The following CHD7 variants were observed in gnomAD, a reference collection of about 807,000 sequenced individuals.
CHD7 encodes ATP-dependent chromatin remodeler CHD7.
In CHD7, 24 loss-of-function variants were observed where a neutral mutation model predicts 307.3. That is an observed-to-expected ratio of 0.08 (90% CI 0.06 to 0.11). CHD7 has a LOEUF of 0.11. Ranked by LOEUF, CHD7 falls within the 10% of genes least tolerant of loss-of-function variation. The pLI is 1.00. For synonymous variants in CHD7, 1,363 were observed against 1,349.9 expected, an observed-to-expected ratio of 1.01 and a Z score of -0.21; for missense variants, 3,106 against 3,727.1, an observed-to-expected ratio of 0.83 and a Z score of 4.34.
At chr8:60,787,246 G>A (rs1811532789) in intron 3 of CHD7, among the ~76,000 whole-genome samples, 1 of 152,174 alleles carries the variant, frequency 6.6e-6, no homozygotes, top group Admixed American at 6.5e-5. Flanking sequence ...TGATTGAAAT[G>A]TGGGTGGGCA....
chr8:60,718,596 A>G (rs986391150), intron 1 of CHD7, among the ~76,000 whole-genome samples: 14 of 152,356 alleles, frequency 9.2e-5, no homozygotes, highest in African/African-American at 3.4e-4. Context: ...ATGGCTGTAC[A>G]ATGTGTTCGT....
chr8:60,817,853 C>T (rs966967298), intron 8 of CHD7, among the ~76,000 whole-genome samples: 1 of 152,140 alleles, frequency 6.6e-6, no homozygotes, highest in Non-Finnish European at 1.5e-5. Context: ...GTTCTGCTGA[C>T]CTTTTCTGTG....
At chr8:60,857,154 A>G (rs1287684744) in intron 34 of CHD7, among the ~76,000 whole-genome samples, 2 of 152,218 alleles carry the variant, frequency 1.3e-5, no homozygotes, top group South Asian at 2.1e-4. Context: ...ACCTAGAAAC[A>G]TGTTCTTCTG....
In CHD7 at chr8:60,824,277, T is replaced by G. The variant is rs1262415831; in HGVS notation, c.3378+261T>G. ...CTAAAGTGAGTTTCAAGTATTTGTTTTACCCTTTGTTCATAAATACAGGTT... is the reference window on the plus strand; with the variant it reads ...CTAAAGTGAGTTTCAAGTATTTGTTGTACCCTTTGTTCATAAATACAGGTT... On this transcript the variant is annotated intron_variant, in intron 13 of 37. Coordinates refer to ENST00000423902, the MANE Select transcript of CHD7 (RefSeq NM_017780.4). 4 of 434,830 alleles carry G rather than the reference T, an allele frequency of 9.2e-6. No individual in the cohort carries two copies. The East Asian group carries it at 1.3e-4, about 14-fold the overall frequency. 26.9% of individuals were successfully genotyped at this position (434,830 alleles called of 1,614,324 possible).
At chr8:60,850,963 CTACCCA>C in intron 26 of CHD7, 63 bp from the exon 27 acceptor site, 1 of 1,118,900 alleles carries the variant, frequency 8.9e-7, no homozygotes, top group African/African-American at 1.6e-5. Flanking sequence ...TTACTCTTTC[CTACCCA>C]CCCCCCTTCC....
chr8:60,800,358 C>G (rs1258338618), intron 4 of CHD7, 30 bp from the exon 5 acceptor site: 20 of 1,605,748 alleles, frequency 1.2e-5, no homozygotes, highest in Non-Finnish European at 1.7e-5. Context: ...TCATTAATTT[C>G]AAGGCCACTG....
Position 60,830,484 on chromosome 8 carries a change from C to A in CHD7, c.3685C>A (p.Leu1229Ile). 6.2e-7 allele frequency: 1 copy of A among 1,614,020 alleles called. No homozygotes were observed. Among genetic ancestry groups the A allele is most frequent in the Non-Finnish European group, 8.5e-7 (1 of 1,179,882 alleles). Reference sequence around the variant, plus strand: ...CATCCTTGAGAAGAATTTCACATTTCTTTCCAAAGGCGGTGGTCAAGCTAA... The same window carrying A: ...CATCCTTGAGAAGAATTTCACATTTATTTCCAAAGGCGGTGGTCAAGCTAA... Reference protein sequence around the residue: ...RAILEKNFTFLSKGGGQANVP... With the variant: ...RAILEKNFTFISKGGGQANVP... The change falls in exon 15 of 38, where the codon CTT becomes ATT. Residue 1229 changes from leucine (L) to isoleucine (I), a missense_variant. Physicochemically the swap from Leu to Ile is conservative, Grantham distance 5. Transcript: ENST00000423902.
rs1057131244 is a variant in CHD7 at position 60,837,067 on chromosome 8, A to G, written c.4185+55A>G. The G allele has an allele frequency of 2.0e-5, 28 of 1,400,216 alleles. No homozygotes were observed. In the African/African-American group the frequency reaches 3.0e-4, roughly 15 times the overall value. The allele number at this position is 1,400,216 out of a possible 1,614,324, so 86.7% of individuals were successfully genotyped here. A position where few individuals can be genotyped will look rare whatever the true frequency, so the allele number is the denominator to read the frequency against. ...TAAAAAGGAAGTCATTCTGCTTACT[A>G]TGACAGAGAGTACCAGTCAGACCCA... is the stretch of plus-strand genomic sequence containing the variant. On this transcript the variant is annotated intron_variant, in intron 17 of 37. Transcript: ENST00000423902.
intron 2 of CHD7, among the ~76,000 whole-genome samples, chr8:60,756,418 A>G (rs1294998354): frequency 6.6e-6 from 1 of 152,218 alleles, no homozygotes; most frequent in Non-Finnish European, 1.5e-5. Flanking sequence ...AACACAGCAT[A>G]TTGTTTTAAC....
chr8:60,807,707 G>A (rs1307820111), intron 6 of CHD7, among the ~76,000 whole-genome samples: 3 of 152,154 alleles, frequency 2.0e-5, no homozygotes, highest in African/African-American at 7.2e-5. Context: ...TAAGAACAAG[G>A]TTTACTTTTA....
intron 1 of CHD7, among the ~76,000 whole-genome samples, chr8:60,726,821 C>A (rs1808185003): frequency 6.6e-6 from 1 of 152,166 alleles, no homozygotes; most frequent in African/African-American, 2.4e-5. Context: ...GGAAGCACAT[C>A]CACTGCTGAT....
At position 60,852,198 on chromosome 8, in the gene CHD7, A is replaced by G. The variant is rs961305288; in HGVS notation, c.5845A>G (p.Arg1949Gly). The G allele has an allele frequency of 2.5e-6, 4 of 1,613,752 alleles. No homozygotes were observed. The highest frequency in any genetic ancestry group is 3.4e-6 in the Non-Finnish European group (4 of 1,179,884). ...CAGACGGCGGCCTCGAGAGGAAGTG[A>G]GAGCTCTGGAAGCGGAAAGGGAAGC... ...RRRRRPREEVRALEAEREAII... is the reference protein window; with the variant it reads ...RRRRRPREEVGALEAEREAII... The change falls in exon 29 of 38, where the codon AGA becomes GGA. Residue 1949 changes from arginine (R) to glycine (G), a missense_variant. Coordinates refer to ENST00000423902, the MANE Select transcript of CHD7 (RefSeq NM_017780.4).
intron 2 of CHD7, among the ~76,000 whole-genome samples, chr8:60,780,064 G>T (rs1054491503): frequency 6.6e-6 from 1 of 152,182 alleles, no homozygotes; most frequent in Non-Finnish European, 1.5e-5. Flanking sequence ...CAAGTATTTT[G>T]TTGAAATATA....
intron 15 of CHD7, among the ~76,000 whole-genome samples, chr8:60,830,801 T>G (rs575536017): frequency 6.6e-6 from 1 of 152,302 alleles, no homozygotes; most frequent in African/African-American, 2.4e-5. Context: ...TCACCTTGCC[T>G]TTCTCCTGAC....
At position 60,845,075 on chromosome 8, in the gene CHD7, C is replaced by T. The variant is rs1805146642; in HGVS notation, c.5050+12C>T. 1 of 1,613,006 alleles carries T rather than the reference C, an allele frequency of 6.2e-7. No individual in the cohort carries two copies. The highest frequency in any genetic ancestry group is 8.5e-7 in the Non-Finnish European group (1 of 1,179,398). On this transcript the variant is annotated intron_variant, in intron 22 of 37. Coordinates refer to ENST00000423902, the MANE Select transcript of CHD7 (RefSeq NM_017780.4). ...GGTCAACCATTCCGGTAGGTCTCCA[C>T]CATGCTGTTTGTGCTACAGGGTCAC... is the stretch of plus-strand genomic sequence containing the variant.
intron 5 of CHD7, among the ~76,000 whole-genome samples, chr8:60,801,274 C>G (rs570304390): frequency 7.9e-5 from 12 of 152,226 alleles, no homozygotes; most frequent in African/African-American, 2.4e-4. Context: ...TCTGATTGCT[C>G]TCTAGCTTTA....
intron 3 of CHD7, among the ~76,000 whole-genome samples, chr8:60,786,828 G>A (rs1811513398): frequency 6.6e-6 from 1 of 152,184 alleles, no homozygotes. Context: ...TACAAATGCA[G>A]TTTGCACCTG....
At chr8:60,759,536 TCTCA>T (rs1810071646) in intron 2 of CHD7, among the ~76,000 whole-genome samples, 1 of 149,084 alleles carries the variant, frequency 6.7e-6, no homozygotes, top group Admixed American at 6.7e-5. Flanking sequence ...TCTCAGTCTC[TCTCA>T]CTCTCACCTT....
Position 60,856,788 on chromosome 8 carries a change from T to C in CHD7, c.7508T>C (p.Val2503Ala). The C allele has an allele frequency of 3.1e-6, 5 of 1,611,364 alleles. No homozygotes were observed. Among genetic ancestry groups the C allele is most frequent in the Non-Finnish European group, 3.4e-6 (4 of 1,178,264 alleles). ...PTRHLLNGSL[V>A]DGEPPMKRRR... Reference sequence around the variant, plus strand: ...AGGCATCTCCTTAATGGCTCCCTAGTGGATGGAGAGCCTCCCATGAAGAGG... The same window carrying C: ...AGGCATCTCCTTAATGGCTCCCTAGCGGATGGAGAGCCTCCCATGAAGAGG... The change falls in exon 34 of 38, where the codon GTG becomes GCG. Residue 2503 changes from valine to alanine, a missense_variant. This residue lies in a region of CHD7 where 1,030 missense variants were observed against 1,165.4 expected (regional missense o/e 0.88). Transcript: ENST00000423902.
Sources: allele counts gnomAD v4.1 joint callset (sites outside exome capture counted in the v4.1 genomes callset), GRCh38; gene constraint gnomAD v4.1.1; regional missense constraint gnomAD v4.1.1; transcripts MANE v1.5; gene names NCBI Gene and HGNC (gene_info 2026-07-23, HGNC 2026-07-21).